The following RALGAPB variants were observed in gnomAD, a reference collection of about 807,000 sequenced individuals.
RALGAPB encodes the protein Ral GTPase activating protein non-catalytic subunit beta.
A neutral mutation model predicts 161.1 loss-of-function variants in RALGAPB; 25 were observed. That is an observed-to-expected ratio of 0.16 (90% confidence interval 0.11 to 0.22). The LOEUF is 0.22. Ranked by LOEUF, RALGAPB falls within the 10% of genes least tolerant of loss-of-function variation. RALGAPB has a pLI of 1.00. For missense variants in RALGAPB, 1,391 were observed against 1,815.2 expected, an observed-to-expected ratio of 0.77 and a Z score of 4.25; for synonymous variants, 629 against 626.1, an observed-to-expected ratio of 1.00 and a Z score of -0.07.
chr20:38,551,019 C>T, intron 20 of RALGAPB, 52 bp from the exon 21 acceptor site: 1 of 1,571,604 alleles, frequency 6.4e-7, no homozygotes, highest in South Asian at 1.1e-5. Context: ...CATGTCATTA[C>T]AGATGGGTAT....
chr20:38,535,300 G>A, intron 16 of RALGAPB, 93 bp downstream of exon 16: 1 of 1,402,014 alleles, frequency 7.1e-7, no homozygotes, highest in Non-Finnish European at 9.8e-7. Flanking sequence ...GTATTTTAGT[G>A]TTGATCATGC....
chr20:38,562,298 T>C (rs939069587), intron 23 of RALGAPB, among the ~76,000 whole-genome samples: 1 of 152,184 alleles, frequency 6.6e-6, no homozygotes, highest in Non-Finnish European at 1.5e-5. Context: ...ATCTCTACTT[T>C]ATGGATTAAG....
At chr20:38,573,095 T>TA (rs1325519094) in intron 28 of RALGAPB, among the ~76,000 whole-genome samples, 1 of 151,584 alleles carries the variant, frequency 6.6e-6, no homozygotes, top group African/African-American at 2.4e-5. Context: ...TTTTTTAATT[T>TA]AAAAAAACAA....
chr20:38,474,668 T>C (rs1414964057), intron 1 of RALGAPB, among the ~76,000 whole-genome samples: 4 of 152,176 alleles, frequency 2.6e-5, no homozygotes, highest in African/African-American at 9.7e-5. Context: ...CCACCTTGAG[T>C]CCTTCCAATT....
rs552517207 is a variant in RALGAPB, at chr20:38,541,937, T to G, written c.2714+745T>G. Among the ~76,000 whole-genome samples, 12 of 152,252 alleles carry G rather than the reference T, an allele frequency of 7.9e-5. No individual in the cohort carries two copies. The East Asian group carries it at 2.3e-3, about 29-fold the overall frequency. Reference sequence around the variant, plus strand: ...TAAAAAGGCACCACGACTGCTGTTTTGAGAATTTTGGTGTAGTAAAGTGGT... The same window carrying G: ...TAAAAAGGCACCACGACTGCTGTTTGGAGAATTTTGGTGTAGTAAAGTGGT... On this transcript the variant is annotated intron_variant, in intron 18 of 29. Transcript: ENST00000262879.
chr20:38,513,598 A>G (rs951785230), intron 6 of RALGAPB, among the ~76,000 whole-genome samples: 9 of 151,812 alleles, frequency 5.9e-5, no homozygotes, highest in South Asian at 2.1e-4. Context: ...GCAGTGAGCC[A>G]AGATCATACC....
intron 6 of RALGAPB, among the ~76,000 whole-genome samples, chr20:38,512,193 T>C (rs2085981292): frequency 1.3e-5 from 2 of 152,250 alleles, no homozygotes; most frequent in African/African-American, 4.8e-5. Context: ...GAACATTTTT[T>C]ACTGCATGTT....
At chr20:38,557,049 G>T (rs1483639078) in intron 22 of RALGAPB, among the ~76,000 whole-genome samples, 1 of 152,192 alleles carries the variant, frequency 6.6e-6, no homozygotes, top group Non-Finnish European at 1.5e-5. Flanking sequence ...ATCCTTGTCA[G>T]TGTGAAAGAC....
chr20:38,525,661 C>T, intron 12 of RALGAPB, 143 bp downstream of exon 12: 1 of 837,108 alleles, frequency 1.2e-6, no homozygotes, highest in East Asian at 2.7e-5. Context: ...AGTGAATTAA[C>T]AAAGTTGACT....
chr20:38,556,026 C>T (rs1376780498), intron 22 of RALGAPB, among the ~76,000 whole-genome samples: 1 of 152,070 alleles, frequency 6.6e-6, no homozygotes, highest in African/African-American at 2.4e-5. Flanking sequence ...GTCCCATTAG[C>T]AGTTCAGTCA....
At chr20:38,521,471 A>G (rs2086287786) in intron 9 of RALGAPB, 26 bp from the exon 10 acceptor site, 2 of 1,613,598 alleles carry the variant, frequency 1.2e-6, no homozygotes, top group African/African-American at 1.3e-5. Context: ...TGCAAATATA[A>G]TAAAACCCTC....
At chr20:38,520,320 T>A (rs1387251518) in intron 9 of RALGAPB, 5 of 781,788 alleles carry the variant, frequency 6.4e-6, no homozygotes, top group Non-Finnish European at 7.8e-6. Context: ...GTCATGTTTT[T>A]ATTTTTTTCA....
chr20:38,501,809 A>AT (rs1176266599), intron 5 of RALGAPB, among the ~76,000 whole-genome samples: 3 of 152,044 alleles, frequency 2.0e-5, no homozygotes, highest in Non-Finnish European at 4.4e-5. Flanking sequence ...ATAGTGGAAA[A>AT]TTTTTTTTGA....
chr20:38,521,372 A>G (rs2086283563), intron 9 of RALGAPB, 125 bp from the exon 10 acceptor site: 9 of 1,443,872 alleles, frequency 6.2e-6, no homozygotes, highest in Non-Finnish European at 8.3e-6. Flanking sequence ...TAGTTGCTAA[A>G]CAAAAGCACT....
intron 17 of RALGAPB, among the ~76,000 whole-genome samples, chr20:38,540,621 A>G (rs948200913): frequency 3.3e-5 from 5 of 152,152 alleles, no homozygotes; most frequent in Admixed American, 1.3e-4. Context: ...GTCAATGACA[A>G]GATTTCCTTT....
intron 6 of RALGAPB, among the ~76,000 whole-genome samples, chr20:38,512,381 T>G (rs2085987696): frequency 6.6e-6 from 1 of 152,384 alleles, no homozygotes; most frequent in South Asian, 2.1e-4. Context: ...TAAATTCTGC[T>G]AGTTTTTTCT....
chr20:38,510,298 G>A (rs750975760), intron 6 of RALGAPB, among the ~76,000 whole-genome samples: 1 of 151,888 alleles, frequency 6.6e-6, no homozygotes, highest in Admixed American at 6.6e-5. Context: ...TCGAGCCACC[G>A]CACCCAGCCT....
chr20:38,521,570 T>A lies in RALGAPB; in HGVS notation c.1491T>A (p.Asn497Lys), dbSNP rs766491026. 1 of 1,614,160 alleles carries A rather than the reference T, an allele frequency of 6.2e-7. No homozygotes were observed. Among genetic ancestry groups the A allele is most frequent in the South Asian group, 1.1e-5 (1 of 91,080 alleles). Reference sequence around the variant, plus strand: ...TGTCCACAGACACCATGGTTTCCAATCCTATGTTTGATGCAAGTGAATTTC... The same window carrying A: ...TGTCCACAGACACCATGGTTTCCAAACCTATGTTTGATGCAAGTGAATTTC... ...SQMSTDTMVS[N>K]PMFDASEFPD... The change falls in exon 10 of 30, where the codon AAT becomes AAA. Residue 497 changes from asparagine to lysine, a missense_variant. By Grantham distance (94) the Asn-to-Lys change is moderately conservative (BLOSUM62 0). Coordinates refer to ENST00000262879, the MANE Select transcript of RALGAPB (RefSeq NM_020336.4).
intron 16 of RALGAPB, among the ~76,000 whole-genome samples, chr20:38,538,776 G>C (rs188657026): frequency 6.6e-6 from 1 of 152,280 alleles, no homozygotes; most frequent in East Asian, 1.9e-4. Context: ...CCAAATGTTG[G>C]TGAGGATGTG....
Sources: allele counts gnomAD v4.1 joint callset (sites outside exome capture counted in the v4.1 genomes callset), GRCh38; gene constraint gnomAD v4.1.1; transcripts MANE v1.5; gene names NCBI Gene and HGNC (gene_info 2026-07-23, HGNC 2026-07-21).